Variants in PSG7 observed in about 807,000 individuals in gnomAD.
PSG7 encodes the protein pregnancy specific beta-1-glycoprotein 7.
PSG7 carries 57 observed loss-of-function variants against 45.6 expected under a neutral mutation model. The ratio of observed to expected loss-of-function variants is 1.25; its 90% CI spans 1.01 to 1.56. PSG7 has a LOEUF of 1.56. Ranked by LOEUF, PSG7 falls within the 40% of genes most tolerant of loss-of-function variation. The probability of loss-of-function intolerance (pLI) is 0.00; values close to 1 mark genes in which losing one functional copy is unlikely to be tolerated. For missense variants in PSG7, 796 were observed against 508.4 expected, an observed-to-expected ratio of 1.57 and a Z score of -5.44; for synonymous variants, 298 against 194.4, an observed-to-expected ratio of 1.53 and a Z score of -4.43.
chr19:42,926,494 T>C lies in PSG7; in HGVS notation c.932A>G (p.Glu311Gly), dbSNP rs1160135460. The C allele has an allele frequency of 5.0e-6, 8 of 1,611,428 alleles. No homozygotes were observed. Among genetic ancestry groups the C allele is most frequent in the Middle Eastern group, 1.7e-4 (1 of 5,720 alleles). The change falls in exon 4 of 6, where the codon GAA (glutamate) becomes GGA (glycine). Residue 311 changes from glutamate to glycine, a missense_variant. Transcript: ENST00000406070. ...GATGCCACCATATCGGTCCCGTATT[T>C]CACATTGATAGGGTCCTGTTTCATT... ...TRNETGPYQC[E>G]IRDRYGGIRS...
chr19:42,927,475 C>G (rs1194106158), intron 3 of PSG7: 1 of 152,104 alleles, frequency 6.6e-6, no homozygotes, highest in African/African-American at 2.4e-5. Flanking sequence ...TCCTCTCCTT[C>G]TGCAGAGGGC....
intron 2 of PSG7, among the ~76,000 whole-genome samples, chr19:42,931,364 T>C (rs1279518219): frequency 6.6e-6 from 1 of 151,404 alleles, no homozygotes; most frequent in African/African-American, 2.4e-5. Context: ...AGCAGCTCCT[T>C]AAGTAGAGAG....
Position 42,931,121 on chromosome 19 carries a change from T to C in PSG7, c.431-1401A>G, listed in dbSNP as rs192545621. ...GTAATACTGTAATTTTCCCATAAAA[T>C]GTTGTCAGGAGTTTAGACCTCAGGT... On this transcript the variant is annotated intron_variant, in intron 2 of 5. Transcript: ENST00000406070. Among the ~76,000 whole-genome samples, 93 of 151,688 alleles carry C rather than the reference T, an allele frequency of 6.1e-4. 4 individuals carry two copies. Among genetic ancestry groups the C allele is most frequent in the African/African-American group, 2.0e-3 (84 of 41,296 alleles).
At position 42,924,717 on chromosome 19, in the gene PSG7, C is replaced by T. The variant is rs536929557; in HGVS notation, c.*91G>A. 1.3e-6 allele frequency: 1 copy of T among 766,402 alleles called. No individual in the cohort carries two copies. The highest frequency in any genetic ancestry group is 2.4e-6 in the Non-Finnish European group (1 of 417,424). 47.5% of individuals were successfully genotyped at this position (766,402 alleles called of 1,614,324 possible). Reference sequence around the variant, plus strand: ...TCCCATGAAATTTACATTGAGTTGTCCAACTCTGACTTATAGGGCTTCTGG... The same window carrying T: ...TCCCATGAAATTTACATTGAGTTGTTCAACTCTGACTTATAGGGCTTCTGG... On this transcript the variant is annotated 3_prime_UTR_variant, in exon 6 of 6. Coordinates refer to ENST00000406070, the MANE Select transcript of PSG7 (RefSeq NM_002783.3).
Position 42,926,530 on chromosome 19 carries a change from C to G in PSG7, c.896G>C (p.Ser299Thr), listed in dbSNP as rs766975312. The G allele has an allele frequency of 6.2e-7, 1 of 1,610,862 alleles. No homozygotes were observed. The highest frequency in any genetic ancestry group is 8.5e-7 in the Non-Finnish European group (1 of 1,179,032). ...GGGTCCTGTTTCATTTCTCGTGACA[C>G]TGGGTAGAATGAGGATCCTGTTTTC... ...RIENRILILP[S>T]VTRNETGPYQ... Residue 299 changes from serine (S) to threonine (T), a missense_variant, in exon 4 of 6, where the codon AGT becomes ACT. Coordinates refer to ENST00000406070, the MANE Select transcript of PSG7 (RefSeq NM_002783.3).
chr19:42,932,128 A>T (rs1198492443), intron 2 of PSG7, among the ~76,000 whole-genome samples: 1 of 151,104 alleles, frequency 6.6e-6, no homozygotes, highest in Admixed American at 6.6e-5. Context: ...GTTTCACTCC[A>T]TTCTCCTGCC....
chr19:42,935,825 G>C, intron 1 of PSG7, 56 bp from the exon 2 acceptor site: 3 of 1,550,124 alleles, frequency 1.9e-6, no homozygotes, highest in South Asian at 1.3e-5. Flanking sequence ...GGGTTGAAAA[G>C]ATGGGCCCCT....
intron 3 of PSG7, chr19:42,929,128 G>C (rs1275812991): frequency 2.1e-6 from 1 of 487,620 alleles, no homozygotes. Flanking sequence ...GTGACCCTGT[G>C]AGTCAAGTCG....
At chr19:42,934,969 G>A (rs1318644823) in intron 2 of PSG7, among the ~76,000 whole-genome samples, 1 of 151,620 alleles carries the variant, frequency 6.6e-6, no homozygotes, top group Non-Finnish European at 1.5e-5. Context: ...TCCTGGCACA[G>A]GCTCCTCAGC....
intron 2 of PSG7, among the ~76,000 whole-genome samples, chr19:42,930,818 G>A (rs1308753580): frequency 1.3e-5 from 2 of 151,660 alleles, no homozygotes; most frequent in East Asian, 3.9e-4. Flanking sequence ...TATGCAGGAT[G>A]AGGGGGTTCT....
chr19:42,934,829 G>A (rs1024718536), intron 2 of PSG7, among the ~76,000 whole-genome samples: 3 of 151,688 alleles, frequency 2.0e-5, no homozygotes, highest in African/African-American at 7.3e-5. Flanking sequence ...GGTGAAGAAA[G>A]CTCTGTCCTT....
rs535012002 is a variant in PSG7, at chr19:42,924,581, C to T, written c.*227G>A. 3 of 615,478 alleles carry T rather than the reference C, an allele frequency of 4.9e-6. No individual in the cohort carries two copies. Among genetic ancestry groups the T allele is most frequent in the South Asian group, 2.0e-5 (1 of 49,824 alleles). 38.1% of individuals were successfully genotyped at this position (615,478 alleles called of 1,614,324 possible). ...CTGACATCTTGGGAAAAGCTGTCCA[C>T]AGTGTGAAGTCATCAACTTGTTTTC... On this transcript the variant is annotated 3_prime_UTR_variant, in exon 6 of 6. Coordinates refer to ENST00000406070, the MANE Select transcript of PSG7 (RefSeq NM_002783.3).
intron 2 of PSG7, among the ~76,000 whole-genome samples, chr19:42,932,591 A>C (rs113551744): frequency 0.13 from 20,005 of 151,306 alleles, 1,780 homozygotes; most frequent in Admixed American, 0.17. Flanking sequence ...AGTGACAGCA[A>C]ACTAGCGTGG....
Position 42,926,716 on chromosome 19 carries a change from G to C in PSG7, c.710C>G (p.Pro237Arg). Reference protein sequence around the residue: ...RSDPVTLNLLPKLPKPYITIN... With the variant: ...RSDPVTLNLLRKLPKPYITIN... ...GGTGATGTAGGGCTTGGGCAGCTTC[G>C]CTGTGTGAATAACAGAGAGAAGATT... Residue 237 changes from proline to arginine, a missense_variant and splice_region_variant, in exon 4 of 6, where the codon CCG becomes CGG. Pro to Arg is a moderately radical substitution (Grantham distance 103). Transcript: ENST00000406070. The C allele has an allele frequency of 6.2e-7, 1 of 1,610,196 alleles. No homozygotes were observed. Among genetic ancestry groups the C allele is most frequent in the Non-Finnish European group, 8.5e-7 (1 of 1,178,802 alleles).
chr19:42,928,995 T>C (rs1421563098), intron 3 of PSG7, among the ~76,000 whole-genome samples: 3 of 151,342 alleles, frequency 2.0e-5, no homozygotes, highest in African/African-American at 7.3e-5. Flanking sequence ...ACTTCTCTTG[T>C]ATGGTAATAG....
At chr19:42,935,047 G>T (rs1434972742) in intron 2 of PSG7, among the ~76,000 whole-genome samples, 1 of 151,614 alleles carries the variant, frequency 6.6e-6, no homozygotes, top group African/African-American at 2.4e-5. Context: ...GCTTCTCTGA[G>T]GGTCTCAGGG....
In PSG7 at chr19:42,924,687, G is replaced by A. The variant is rs569421481; in HGVS notation, c.*121C>T. The A allele has an allele frequency of 7.6e-4, 577 of 763,334 alleles. 17 individuals carry two copies. Among genetic ancestry groups the A allele is most frequent in the South Asian group, 1.3e-3 (93 of 73,530 alleles). The allele number at this position is 763,334 out of a possible 1,614,324, so 47.3% of individuals were successfully genotyped here. On this transcript the variant is annotated 3_prime_UTR_variant, in exon 6 of 6. Coordinates refer to ENST00000406070, the MANE Select transcript of PSG7 (RefSeq NM_002783.3). ...GAGTGGCTCAGACATCAGGTACAAGGATTTTCCCATGAAATTTACATTGAG... is the reference window on the plus strand; with the variant it reads ...GAGTGGCTCAGACATCAGGTACAAGAATTTTCCCATGAAATTTACATTGAG...
In PSG7 at chr19:42,934,185, T is replaced by G. The variant is rs905674246; in HGVS notation, c.430+1219A>C. Reference sequence around the variant, plus strand: ...ACAGGATTTCAGGTTCAATGATGGGTGTTAAGATCTGAGGGGGAGACCTGG... The same window carrying G: ...ACAGGATTTCAGGTTCAATGATGGGGGTTAAGATCTGAGGGGGAGACCTGG... On this transcript the variant is annotated intron_variant, in intron 2 of 5. Coordinates refer to ENST00000406070, the MANE Select transcript of PSG7 (RefSeq NM_002783.3). Among the ~76,000 whole-genome samples, 19 of 151,446 alleles carry G rather than the reference T, an allele frequency of 1.3e-4. 2 individuals carry two copies. Among genetic ancestry groups the G allele is most frequent in the African/African-American group, 3.6e-4 (15 of 41,216 alleles).
chr19:42,926,890 G>A (rs1474890726), intron 3 of PSG7, 174 bp from the exon 4 acceptor site: 4 of 1,237,072 alleles, frequency 3.2e-6, no homozygotes, highest in Middle Eastern at 2.8e-4. Flanking sequence ...CTCAAAGACT[G>A]TGAGGCCACC....
Sources: allele counts gnomAD v4.1 joint callset (sites outside exome capture counted in the v4.1 genomes callset), GRCh38; gene constraint gnomAD v4.1.1; transcripts MANE v1.5; gene names NCBI Gene and HGNC (gene_info 2026-07-23, HGNC 2026-07-21).